Variants in GMDS observed in about 807,000 individuals in gnomAD.
The protein encoded by GMDS is GDP-mannose 4,6-dehydratase.
In GMDS, 20 loss-of-function variants were observed where a neutral mutation model predicts 49.9. The observed-to-expected ratio is 0.40, with a 90% CI of 0.28 to 0.58. The LOEUF (loss-of-function observed/expected upper bound fraction) is 0.58, where lower values mean the gene tolerates loss of function less well. Among genes scored for constraint, GMDS ranks in the 20% least tolerant of loss-of-function variants. GMDS has a pLI of 0.42. For missense variants in GMDS, 362 were observed against 481.4 expected (o/e 0.75, Z 2.32); for synonymous variants, 177 against 178.6 (o/e 0.99, Z 0.07).
intron 1 of GMDS, among the ~76,000 whole-genome samples, chr6:2,226,867 C>T (rs906187405): frequency 6.6e-6 from 1 of 152,172 alleles, no homozygotes; most frequent in Non-Finnish European, 1.5e-5. Flanking sequence ...ATGCATTCAT[C>T]CCTGGAGTCC....
rs2127507218 is a variant in GMDS at position 2,122,694 on chromosome 6, A to C, written c.147+1993T>G. Among the ~76,000 whole-genome samples, 3 of 152,364 alleles carry C rather than the reference A, an allele frequency of 2.0e-5. No homozygotes were observed. In the South Asian group the frequency reaches 6.2e-4, roughly 32 times the overall value. On this transcript the variant is annotated intron_variant, in intron 2 of 10. Transcript: ENST00000380815. ...TAAAATTGAGGACAGCAGCCTATTAAAGTTGAATACAGTAAGGATAAACAC... is the reference window on the plus strand; with the variant it reads ...TAAAATTGAGGACAGCAGCCTATTACAGTTGAATACAGTAAGGATAAACAC...
intron 1 of GMDS, among the ~76,000 whole-genome samples, chr6:2,171,500 T>G (rs1009749185): frequency 3.3e-5 from 5 of 151,922 alleles, no homozygotes; most frequent in African/African-American, 1.2e-4. Context: ...ATTAACTGAG[T>G]GGAGAAAAAT....
chr6:1,638,414 G>A (rs909270471), intron 9 of GMDS, among the ~76,000 whole-genome samples: 1 of 152,098 alleles, frequency 6.6e-6, no homozygotes, highest in African/African-American at 2.4e-5. Flanking sequence ...TCAGCTCCTC[G>A]AGTGCCAGCA....
chr6:2,002,424 A>C (rs1319179779), intron 4 of GMDS, among the ~76,000 whole-genome samples: 1 of 152,208 alleles, frequency 6.6e-6, no homozygotes, highest in African/African-American at 2.4e-5. Context: ...AAATGTGTCA[A>C]CTTCTGTTTT....
chr6:2,040,522 C>A (rs1219492732), intron 4 of GMDS, among the ~76,000 whole-genome samples: 1 of 152,132 alleles, frequency 6.6e-6, no homozygotes, highest in African/African-American at 2.4e-5. Context: ...ATAACATTAT[C>A]TTTGTATTCA....
At chr6:1,840,190 A>T in intron 7 of GMDS, among the ~76,000 whole-genome samples, 1 of 152,150 alleles carries the variant, frequency 6.6e-6, no homozygotes, top group Non-Finnish European at 1.5e-5. Context: ...ATTAGGCAAT[A>T]CCCACTTTAA....
chr6:2,174,120 T>A (rs1561631263), intron 1 of GMDS, among the ~76,000 whole-genome samples: 1 of 152,202 alleles, frequency 6.6e-6, no homozygotes, highest in Non-Finnish European at 1.5e-5. Context: ...TCTCACTCAT[T>A]CAATAAATAT....
At chr6:1,727,283 T>C in intron 8 of GMDS, among the ~76,000 whole-genome samples, 1 of 152,220 alleles carries the variant, frequency 6.6e-6, no homozygotes. Context: ...GATGAGCTCA[T>C]ATGCTTCGAG....
intron 1 of GMDS, among the ~76,000 whole-genome samples, chr6:2,158,011 G>A (rs955437567): frequency 6.6e-6 from 1 of 152,024 alleles, no homozygotes; most frequent in Admixed American, 6.5e-5. Flanking sequence ...TCTCTAAGAT[G>A]GTAGCTGAAA....
At chr6:2,104,961 T>C (rs1251805862) in intron 4 of GMDS, among the ~76,000 whole-genome samples, 1 of 151,976 alleles carries the variant, frequency 6.6e-6, no homozygotes, top group Non-Finnish European at 1.5e-5. Flanking sequence ...GGCGGGCAGA[T>C]CACAAAGTCA....
intron 4 of GMDS, among the ~76,000 whole-genome samples, chr6:1,993,200 C>T (rs1267836381): frequency 1.3e-5 from 2 of 152,108 alleles, no homozygotes; most frequent in Admixed American, 1.3e-4. Context: ...AACTTCTCTT[C>T]CTTCTCGGAG....
intron 7 of GMDS, among the ~76,000 whole-genome samples, chr6:1,769,764 G>C (rs11755098): frequency 0.32 from 48,306 of 151,626 alleles, 7,887 homozygotes; most frequent in South Asian, 0.42. Context: ...GTGCAGTGGC[G>C]TGATCTCCAC....
rs527926976 is a variant in GMDS at position 2,227,796 on chromosome 6, C to T, written c.102+17525G>A. 2.6e-5 allele frequency among the ~76,000 whole-genome samples: 4 copies of T among 152,330 alleles called. No homozygotes were observed. In the South Asian group the frequency reaches 8.3e-4, roughly 32 times the overall value. Reference sequence around the variant, plus strand: ...CCATGACAGCAAGGCAACAACGGGGCCAGCTCCCCAAGGTCCATGTAAGTG... The same window carrying T: ...CCATGACAGCAAGGCAACAACGGGGTCAGCTCCCCAAGGTCCATGTAAGTG... On this transcript the variant is annotated intron_variant, in intron 1 of 10. Transcript: ENST00000380815.
At chr6:1,729,628 T>C (rs987109136) in intron 8 of GMDS, among the ~76,000 whole-genome samples, 3 of 152,228 alleles carry the variant, frequency 2.0e-5, no homozygotes, top group Middle Eastern at 3.2e-3. Flanking sequence ...AGGTAACAGC[T>C]AACATGTCCT....
chr6:1,771,247 G>A (rs946353890), intron 7 of GMDS, among the ~76,000 whole-genome samples: 5 of 152,158 alleles, frequency 3.3e-5, no homozygotes, highest in Admixed American at 6.5e-5. Context: ...TCCCACTGAG[G>A]ATGGCTGTGC....
At chr6:2,044,351 T>C (rs1317969539) in intron 4 of GMDS, among the ~76,000 whole-genome samples, 1 of 152,154 alleles carries the variant, frequency 6.6e-6, no homozygotes, top group Non-Finnish European at 1.5e-5. Flanking sequence ...AAAAATGTGC[T>C]ATGTATACAC....
chr6:2,105,893 TC>T (rs1332061445), intron 4 of GMDS, among the ~76,000 whole-genome samples: 1 of 152,202 alleles, frequency 6.6e-6, no homozygotes, highest in East Asian at 1.9e-4. Context: ...GGCAAACATT[TC>T]ACTTTAATTA....
intron 7 of GMDS, among the ~76,000 whole-genome samples, chr6:1,823,793 G>A (rs1420277756): frequency 1.3e-5 from 2 of 151,930 alleles, no homozygotes; most frequent in Admixed American, 6.6e-5. Flanking sequence ...CTGATACTAT[G>A]TTAGAATATA....
chr6:1,735,585 T>A (rs995555001), intron 8 of GMDS, among the ~76,000 whole-genome samples: 5 of 152,090 alleles, frequency 3.3e-5, no homozygotes, highest in Non-Finnish European at 7.4e-5. Context: ...GCCAGGCTGT[T>A]CCACCCTCGC....
Sources: gnomAD v4.1 joint callset for allele counts (sites outside exome capture counted in the v4.1 genomes callset) on GRCh38, gnomAD v4.1.1 for gene constraint, MANE v1.5 for transcripts, NCBI Gene and HGNC (gene_info 2026-07-23, HGNC 2026-07-21) for gene names.